The following SPIDR variants were observed in gnomAD, a reference collection of about 807,000 sequenced individuals.
SPIDR encodes DNA repair-scaffolding protein.
SPIDR carries 93 observed loss-of-function variants against 104.6 expected under a neutral mutation model. That is an observed-to-expected ratio of 0.89 (90% CI 0.75 to 1.06). The LOEUF is 1.06. Among genes scored for constraint, SPIDR ranks in the 50% least tolerant of loss-of-function variants. SPIDR has a pLI of 0.00. For missense variants in SPIDR, 1,154 were observed against 1,111.2 expected (o/e 1.04, Z -0.55); for synonymous variants, 431 against 416.9 (o/e 1.03, Z -0.41).
At chr8:47,321,607 A>G (rs183601779) in intron 5 of SPIDR, among the ~76,000 whole-genome samples, 4 of 152,284 alleles carry the variant, frequency 2.6e-5, no homozygotes, top group Admixed American at 6.5e-5. Context: ...TAAAGTTCAT[A>G]TGGAACCAAA....
chr8:47,422,679 A>G (rs782360801), intron 7 of SPIDR, among the ~76,000 whole-genome samples: 7 of 152,178 alleles, frequency 4.6e-5, no homozygotes, highest in Admixed American at 6.5e-5. Flanking sequence ...AAATGCAGAA[A>G]TCATATGTCT....
At chr8:47,699,916 A>G (rs775920640) in intron 11 of SPIDR, among the ~76,000 whole-genome samples, 18 of 152,210 alleles carry the variant, frequency 1.2e-4, no homozygotes, top group Non-Finnish European at 1.8e-4. Context: ...AAAATACCCA[A>G]TCCACAGGAA....
chr8:47,542,827 G>A (rs2154393002), intron 8 of SPIDR, among the ~76,000 whole-genome samples: 1 of 152,210 alleles, frequency 6.6e-6, no homozygotes, highest in Admixed American at 6.5e-5. Context: ...ACTCTTCATA[G>A]GCATACTATT....
chr8:47,727,717 G>T (rs949843287), intron 17 of SPIDR, among the ~76,000 whole-genome samples: 2 of 152,224 alleles, frequency 1.3e-5, no homozygotes, highest in African/African-American at 4.8e-5. Context: ...CTCCCTCAGG[G>T]TCTGGGCCAG....
At chr8:47,409,100 C>A (rs782591908) in intron 7 of SPIDR, among the ~76,000 whole-genome samples, 58 of 152,242 alleles carry the variant, frequency 3.8e-4, no homozygotes, top group Non-Finnish European at 7.4e-4. Context: ...GCAAGAGAAT[C>A]GCTTGAACCC....
intron 10 of SPIDR, chr8:47,654,033 C>G: frequency 7.8e-7 from 1 of 1,288,808 alleles, no homozygotes; most frequent in Admixed American, 2.3e-5. Flanking sequence ...GGGGAACAGG[C>G]GGGAGCCAAG....
intron 10 of SPIDR, among the ~76,000 whole-genome samples, chr8:47,639,865 T>G (rs998430778): frequency 2.6e-5 from 4 of 151,980 alleles, no homozygotes; most frequent in Non-Finnish European, 5.9e-5. Flanking sequence ...GGAGAATCGC[T>G]TGAACCCGGA....
intron 8 of SPIDR, among the ~76,000 whole-genome samples, chr8:47,588,462 T>G (rs2154417452): frequency 6.6e-6 from 1 of 152,122 alleles, no homozygotes; most frequent in Non-Finnish European, 1.5e-5. Context: ...GTTCTAGGAG[T>G]TATTTTGTAG....
At chr8:47,339,059 A>C (rs1554611876) in intron 5 of SPIDR, among the ~76,000 whole-genome samples, 1 of 152,194 alleles carries the variant, frequency 6.6e-6, no homozygotes, top group South Asian at 2.1e-4. Context: ...TAGATCTTTG[A>C]ATTTGTCTTA....
intron 9 of SPIDR, 142 bp from the exon 10 acceptor site, chr8:47,598,804 T>G: frequency 4.5e-6 from 5 of 1,111,002 alleles, no homozygotes; most frequent in Non-Finnish European, 5.0e-6. Context: ...TATTTTCATC[T>G]TCATCATCAC....
chr8:47,726,925 C>G (rs746096051), intron 16 of SPIDR, among the ~76,000 whole-genome samples: 3 of 152,088 alleles, frequency 2.0e-5, no homozygotes, highest in Non-Finnish European at 4.4e-5. Flanking sequence ...TCAGCTGTGG[C>G]GATGTAACTA....
At chr8:47,628,952 A>C (rs551030218) in intron 10 of SPIDR, among the ~76,000 whole-genome samples, 1 of 152,342 alleles carries the variant, frequency 6.6e-6, no homozygotes, top group African/African-American at 2.4e-5. Flanking sequence ...CCTCCATTTA[A>C]ACTTAATTTA....
chr8:47,689,873 G>A (rs1013513664), intron 11 of SPIDR, among the ~76,000 whole-genome samples: 1 of 152,068 alleles, frequency 6.6e-6, no homozygotes, highest in Non-Finnish European at 1.5e-5. Context: ...AGGGTATTTT[G>A]TTGTTTTCTT....
intron 8 of SPIDR, among the ~76,000 whole-genome samples, chr8:47,453,938 T>TA (rs1285398570): frequency 1.3e-5 from 2 of 152,110 alleles, no homozygotes; most frequent in African/African-American, 4.8e-5. Context: ...GATACCATCT[T>TA]ACACCAGTTA....
At chr8:47,484,323 G>A (rs1042561115) in intron 8 of SPIDR, among the ~76,000 whole-genome samples, 1 of 152,234 alleles carries the variant, frequency 6.6e-6, no homozygotes, top group African/African-American at 2.4e-5. Context: ...TTTGAGAGCA[G>A]ATCCCACTGC....
intron 8 of SPIDR, among the ~76,000 whole-genome samples, chr8:47,500,873 T>G (rs1305006717): frequency 6.6e-6 from 1 of 152,234 alleles, no homozygotes; most frequent in African/African-American, 2.4e-5. Context: ...CTAGCCAGTT[T>G]TCCCAGCACC....
At chr8:47,488,836 T>C (rs1554734823) in intron 8 of SPIDR, among the ~76,000 whole-genome samples, 1 of 152,174 alleles carries the variant, frequency 6.6e-6, no homozygotes, top group African/African-American at 2.4e-5. Context: ...AAATTAGGTA[T>C]TGATGGGACG....
chr8:47,280,243 T>C (rs1374650084), intron 2 of SPIDR, among the ~76,000 whole-genome samples: 1 of 151,738 alleles, frequency 6.6e-6, no homozygotes, highest in Non-Finnish European at 1.5e-5. Flanking sequence ...TTATTTTATT[T>C]ATTTATTTAT....
chr8:47,448,555 C>T (rs1358253852), intron 8 of SPIDR, among the ~76,000 whole-genome samples: 9 of 151,960 alleles, frequency 5.9e-5, no homozygotes, highest in Non-Finnish European at 8.8e-5. Context: ...CCACTGTAGG[C>T]GTAGTAATAG....
Sources: gnomAD v4.1 joint callset for allele counts (sites outside exome capture counted in the v4.1 genomes callset) on GRCh38, gnomAD v4.1.1 for gene constraint, MANE v1.5 for transcripts, NCBI Gene and HGNC (gene_info 2026-07-23, HGNC 2026-07-21) for gene names.